SLC20A2: variants seen among roughly 807,000 people sequenced by gnomAD.
SLC20A2 encodes sodium-dependent phosphate transporter 2.
Under a neutral mutation model 61.0 loss-of-function variants are expected in SLC20A2, and 30 were observed. The observed-to-expected ratio is 0.49, with a 90% CI of 0.37 to 0.67. The LOEUF (loss-of-function observed/expected upper bound fraction) is 0.67. SLC20A2 is among the 30% of genes least tolerant of loss of function. The pLI is 0.00. For missense variants in SLC20A2, 626 were observed against 866.4 expected, an observed-to-expected ratio of 0.72 and a Z score of 3.48; for synonymous variants, 351 against 353.3, an observed-to-expected ratio of 0.99 and a Z score of 0.07.
At chr8:42,425,333 A>C (rs1174786963) in intron 10 of SLC20A2, among the ~76,000 whole-genome samples, 1 of 152,182 alleles carries the variant, frequency 6.6e-6, no homozygotes, top group Non-Finnish European at 1.5e-5. Flanking sequence ...AGTCTCACTT[A>C]CAGAGGGCCC....
rs1483759907 is a variant in SLC20A2 at position 42,430,588 on chromosome 8, CCTGACCTTGTGAT to C, written c.1524-352_1524-340del. 2.0e-5 allele frequency among the ~76,000 whole-genome samples: 3 copies of C among 152,234 alleles called. No homozygotes were observed. In the East Asian group the frequency reaches 5.8e-4, roughly 29 times the overall value. The stretch of plus-strand genomic sequence containing the variant: ...ATGTTGGCCAGGCTGGTCTCGAACC[CCTGACCTTGTGAT>C]CTGCCCACCTTGGCTTCCCAAAGTG... On this transcript the variant is annotated intron_variant, in intron 8 of 10. Transcript: ENST00000520262.
rs377079914 is a variant in SLC20A2 at position 42,430,760 on chromosome 8, C to T, written c.1524-511G>A. 1.4e-4 allele frequency among the ~76,000 whole-genome samples: 22 copies of T among 152,340 alleles called. No homozygotes were observed. The East Asian group carries it at 3.3e-3, about 23-fold the overall frequency. ...CCAGCAGTATGTGCTCACGTCATGT[C>T]TCTGTGTCACATTTTGGTAATTCTC... On this transcript the variant is annotated intron_variant, in intron 8 of 10. Transcript: ENST00000520262.
At position 42,430,052 on chromosome 8, in the gene SLC20A2, G is replaced by T; in HGVS notation, c.1709+12C>A. On this transcript the variant is annotated intron_variant, in intron 9 of 10. Coordinates refer to ENST00000520262, the MANE Select transcript of SLC20A2 (RefSeq NM_001257180.2). ...CAAGACCTGCCCTGCTCGTCCACCA[G>T]CCCAGGCTTACCTGGACGGCGTGAT... 6.2e-7 allele frequency: 1 copy of T among 1,600,764 alleles called. No individual in the cohort carries two copies.
At chr8:42,484,807 G>T in intron 1 of SLC20A2, 1 of 306,104 alleles carries the variant, frequency 3.3e-6, no homozygotes, top group South Asian at 3.1e-5. Context: ...GAGCACCTGG[G>T]CCTGGCCTTC....
chr8:42,455,242 AT>A (rs367817498), intron 5 of SLC20A2, among the ~76,000 whole-genome samples: 2,880 of 92,112 alleles, frequency 0.031, 118 homozygotes, highest in Non-Finnish European at 0.034. Flanking sequence ...AAAAAAAAAA[AT>A]ATATATATAT....
upstream of SLC20A2, among the ~76,000 whole-genome samples, chr8:42,505,915 T>A (rs959183067): frequency 6.6e-6 from 1 of 151,498 alleles, no homozygotes. Flanking sequence ...CATCAAAAAA[T>A]GAACATTGAA....
chr8:42,503,701 C>A (rs1020054964), upstream of SLC20A2, among the ~76,000 whole-genome samples: 1 of 152,230 alleles, frequency 6.6e-6, no homozygotes, highest in African/African-American at 2.4e-5. Flanking sequence ...ACATTCCAAT[C>A]TGGACAATCC....
upstream of SLC20A2, among the ~76,000 whole-genome samples, chr8:42,504,563 G>T (rs993102835): frequency 3.9e-5 from 6 of 151,960 alleles, no homozygotes; most frequent in Non-Finnish European, 7.4e-5. Context: ...AAAATTGGTG[G>T]CCAGGCGTGG....
intron 1 of SLC20A2, among the ~76,000 whole-genome samples, chr8:42,500,744 A>G (rs1442865861): frequency 6.6e-6 from 1 of 152,250 alleles, no homozygotes; most frequent in Non-Finnish European, 1.5e-5. Context: ...TACAGAAACC[A>G]TATCCATTAA....
At chr8:42,535,713 A>G (rs1812654314) in intron 1 of SLC20A2, among the ~76,000 whole-genome samples, 3 of 152,200 alleles carry the variant, frequency 2.0e-5, no homozygotes, top group Admixed American at 2.0e-4. Flanking sequence ...TCTTAAATAT[A>G]AAATACAGGG....
At position 42,428,800 on chromosome 8, in the gene SLC20A2, G is replaced by A. The variant is rs778556855; in HGVS notation, c.1752C>T (p.Ile584=). ...TGACTGGAAGCCCGATGTTGGAGGC[G>A]ATCACCACTGTGAAGGCTGAGGCCA... The part of the protein sequence containing the change: ...IELASAFTVV[I]ASNIGLPVST... The change falls in exon 10 of 11, where the codon ATC becomes ATT. Residue 584 remains isoleucine, a synonymous_variant. Coordinates refer to ENST00000520262, the MANE Select transcript of SLC20A2 (RefSeq NM_001257180.2). 1.4e-5 allele frequency: 22 copies of A among 1,610,646 alleles called. 1 individual carries two copies. Among genetic ancestry groups the A allele is most frequent in the African/African-American group, 4.0e-5 (3 of 74,766 alleles).
intron 5 of SLC20A2, among the ~76,000 whole-genome samples, chr8:42,458,717 G>T (rs1286723617): frequency 6.6e-6 from 1 of 151,404 alleles, no homozygotes; most frequent in East Asian, 1.9e-4. Context: ...GACCATCCTG[G>T]CTAATATGGT....
At chr8:42,524,549 A>AGG (rs1271038349) in intron 1 of SLC20A2, among the ~76,000 whole-genome samples, 1 of 152,126 alleles carries the variant, frequency 6.6e-6, no homozygotes, top group African/African-American at 2.4e-5. Flanking sequence ...GCATTTTAGG[A>AGG]GGCCGAGTCG....
At chr8:42,493,049 C>T (rs559433194) in intron 1 of SLC20A2, among the ~76,000 whole-genome samples, 22 of 152,278 alleles carry the variant, frequency 1.4e-4, no homozygotes, top group Middle Eastern at 3.4e-3. Context: ...GAATTTCAGC[C>T]TCAATGCCCA....
chr8:42,423,439 C>G (rs1452678518), intron 10 of SLC20A2, among the ~76,000 whole-genome samples: 1 of 152,012 alleles, frequency 6.6e-6, no homozygotes, highest in Non-Finnish European at 1.5e-5. Flanking sequence ...GATCCTCCTA[C>G]CTCTGCCTCC....
At position 42,425,015 on chromosome 8, in the gene SLC20A2, C is replaced by T. The variant is rs144684661; in HGVS notation, c.1794+3743G>A. ...GAGCCAAGATCAAGCCACTGCACTC[C>T]AGCCTGGGCCACAAAGCAAGACTCT... On this transcript the variant is annotated intron_variant, in intron 10 of 10. Coordinates refer to ENST00000520262, the MANE Select transcript of SLC20A2 (RefSeq NM_001257180.2). Among the ~76,000 whole-genome samples the T allele has an allele frequency of 6.6e-5, 10 of 152,270 alleles. No homozygotes were observed. In the East Asian group the frequency reaches 1.9e-3, roughly 29 times the overall value.
intron 1 of SLC20A2, among the ~76,000 whole-genome samples, chr8:42,477,893 CT>C (rs796340972): frequency 4.3e-4 from 62 of 145,538 alleles, no homozygotes; most frequent in African/African-American, 6.5e-4. Context: ...TTGGCAATTT[CT>C]TTTTTTTTTT....
rs1013592517 is a variant in SLC20A2 at position 42,521,985 on chromosome 8, G to A, written c.-265+19836C>T. ...AGTAGAGGGTAAACAGGACCTCTCC[G>A]TACTACTTTTTTAACTTCCTGTGAG... is the stretch of plus-strand genomic sequence containing the variant. On this transcript the variant is annotated intron_variant, in intron 1 of 10. Coordinates refer to the SLC20A2 transcript ENST00000342228. Among the ~76,000 whole-genome samples, 7 of 121,242 alleles carry A rather than the reference G, an allele frequency of 5.8e-5. 2 individuals are homozygous for A. Among genetic ancestry groups the A allele is most frequent in the Non-Finnish European group, 1.2e-4 (6 of 50,506 alleles). 79.5% of individuals were successfully genotyped at this position (121,242 alleles called of 152,430 possible).
At chr8:42,421,189 A>G (rs188927153) in intron 10 of SLC20A2, among the ~76,000 whole-genome samples, 3 of 151,978 alleles carry the variant, frequency 2.0e-5, no homozygotes, top group African/African-American at 7.3e-5. Flanking sequence ...TTTCTTTTTT[A>G]AAAAATTATT....
Sources: gnomAD v4.1 joint callset for allele counts (sites outside exome capture counted in the v4.1 genomes callset) on GRCh38, gnomAD v4.1.1 for gene constraint, MANE v1.5 for transcripts, NCBI Gene and HGNC (gene_info 2026-07-23, HGNC 2026-07-21) for gene names.